The following SOX6 variants were observed in gnomAD, a reference collection of about 807,000 sequenced individuals.
SOX6 encodes transcription factor SOX-6.
SOX6 carries 11 observed loss-of-function variants against 97.8 expected under a neutral mutation model. The observed-to-expected ratio is 0.11, with a 90% confidence interval of 0.07 to 0.19. SOX6 has a LOEUF of 0.19. Ranked by LOEUF, SOX6 falls within the 10% of genes least tolerant of loss-of-function variation. The pLI is 1.00. For synonymous variants in SOX6, 360 were observed against 371.4 expected (o/e 0.97, Z 0.35); for missense variants, 810 against 1,039.5 (o/e 0.78, Z 3.04).
intron 6 of SOX6, among the ~76,000 whole-genome samples, chr11:16,122,569 G>T (rs966288900): frequency 2.6e-5 from 4 of 151,862 alleles, no homozygotes; most frequent in African/African-American, 9.7e-5. Context: ...CACAATGAAG[G>T]CAATCTGGCT....
intron 1 of SOX6, among the ~76,000 whole-genome samples, chr11:16,437,135 C>T (rs1431593619): frequency 6.6e-6 from 1 of 151,544 alleles, no homozygotes; most frequent in Admixed American, 6.6e-5. Context: ...CATGGCATTG[C>T]AAGCTTGTAG....
intron 6 of SOX6, among the ~76,000 whole-genome samples, chr11:16,140,729 T>C (rs1382931593): frequency 6.6e-6 from 1 of 152,172 alleles, no homozygotes; most frequent in Non-Finnish European, 1.5e-5. Flanking sequence ...AACAGAATAA[T>C]TCACATTTGC....
chr11:16,420,383 T>G (rs1858999241), intron 1 of SOX6, among the ~76,000 whole-genome samples: 1 of 152,172 alleles, frequency 6.6e-6, no homozygotes, highest in African/African-American at 2.4e-5. Flanking sequence ...CCGACTACAT[T>G]TTCCAAAGGG....
intron 2 of SOX6, among the ~76,000 whole-genome samples, chr11:16,324,351 A>G (rs1224074225): frequency 6.6e-6 from 1 of 152,190 alleles, no homozygotes; most frequent in Non-Finnish European, 1.5e-5. Context: ...ATTAAAAACA[A>G]ACATACCTAT....
chr11:16,061,576 C>CA (rs1847956855), intron 9 of SOX6, among the ~76,000 whole-genome samples: 1 of 151,262 alleles, frequency 6.6e-6, no homozygotes, highest in Non-Finnish European at 1.5e-5. Flanking sequence ...AAAAGAGCCC[C>CA]AAGAGTCAAG....
intron 2 of SOX6, among the ~76,000 whole-genome samples, chr11:16,722,364 G>A (rs189103473): frequency 2.2e-4 from 34 of 152,170 alleles, no homozygotes; most frequent in Non-Finnish European, 4.3e-4. Context: ...TTAAAAAGTG[G>A]GCAATGGGCC....
rs1853216259 is a variant in SOX6 at position 15,968,875 on chromosome 11, A to C, written c.*3934T>G. The C allele has an allele frequency of 6.6e-6, 1 of 152,190 alleles. No homozygotes were observed. Among genetic ancestry groups the C allele is most frequent in the Non-Finnish European group, 1.5e-5 (1 of 68,034 alleles). 9.4% of individuals were successfully genotyped at this position (152,190 alleles called of 1,614,324 possible). A position where few individuals can be genotyped will look rare whatever the true frequency, so the allele number is the denominator to read the frequency against. ...TGAAGCAAACCGAGGTGCTTCTAAAAGGCTGAGCTGGGTACACATGAAAAC... is the reference window on the plus strand; with the variant it reads ...TGAAGCAAACCGAGGTGCTTCTAAACGGCTGAGCTGGGTACACATGAAAAC... On this transcript the variant is annotated 3_prime_UTR_variant, in exon 16 of 16. Transcript: ENST00000683767.
At position 16,501,462 on chromosome 11, in the gene SOX6, G is replaced by A. The variant is rs539216550; in HGVS notation, n.610-25074C>T. On this transcript the variant is annotated intron_variant and non_coding_transcript_variant, in intron 4 of 5. Transcript: ENST00000524520. ...AACAAAAGCCAAAATTGACAAATGG[G>A]ATCTAATTAAACTAAAGAGCTTCTG... is the stretch of plus-strand genomic sequence containing the variant. Among the ~76,000 whole-genome samples, 17 of 152,210 alleles carry A rather than the reference G, an allele frequency of 1.1e-4. No homozygotes were observed. In the South Asian group the frequency reaches 2.3e-3, roughly 20 times the overall value.
chr11:16,117,693 G>A (rs1336142946), intron 6 of SOX6, among the ~76,000 whole-genome samples: 1 of 152,138 alleles, frequency 6.6e-6, no homozygotes, highest in East Asian at 1.9e-4. Context: ...TAAAGTCACT[G>A]CACTGAGTGC....
intron 4 of SOX6, among the ~76,000 whole-genome samples, chr11:16,506,573 GT>G (rs1484883602): frequency 6.6e-6 from 1 of 152,226 alleles, no homozygotes; most frequent in Admixed American, 6.5e-5. Flanking sequence ...GTTTTAAAAT[GT>G]GAGAAGGACA....
chr11:16,325,759 A>T (rs1292360337), intron 2 of SOX6, among the ~76,000 whole-genome samples: 1 of 152,194 alleles, frequency 6.6e-6, no homozygotes, highest in African/African-American at 2.4e-5. Flanking sequence ...ACGTCCCCCC[A>T]TAATTCATAA....
intron 3 of SOX6, among the ~76,000 whole-genome samples, chr11:16,663,680 C>T (rs959787851): frequency 1.3e-5 from 2 of 152,106 alleles, no homozygotes; most frequent in African/African-American, 4.8e-5. Flanking sequence ...AGCAAGATCA[C>T]AAGATACAAG....
chr11:16,611,347 G>A (rs973327354), intron 4 of SOX6, among the ~76,000 whole-genome samples: 10 of 152,198 alleles, frequency 6.6e-5, no homozygotes, highest in African/African-American at 2.4e-4. Flanking sequence ...AGACCTACAT[G>A]ATTTCATATT....
intron 14 of SOX6, among the ~76,000 whole-genome samples, chr11:15,988,228 A>T (rs922683818): frequency 9.2e-5 from 14 of 152,310 alleles, no homozygotes; most frequent in African/African-American, 3.4e-4. Context: ...GTAATGCTGC[A>T]TGTTGAATAA....
At chr11:16,112,005 GCT>G in intron 6 of SOX6, 82 bp from the exon 7 acceptor site, 1 of 1,566,648 alleles carries the variant, frequency 6.4e-7, no homozygotes, top group Non-Finnish European at 8.7e-7. Context: ...CTGGTGGTGT[GCT>G]GGTACCCACA....
intron 1 of SOX6, among the ~76,000 whole-genome samples, chr11:16,387,595 C>A (rs936561097): frequency 5.9e-5 from 9 of 151,864 alleles, no homozygotes; most frequent in Non-Finnish European, 2.9e-5. Context: ...CAAAAATGGC[C>A]TTTGTTATGA....
Position 16,722,342 on chromosome 11 carries a change from TAAAC to T in SOX6, n.354-7441_354-7438del, listed in dbSNP as rs1414275651. Among the ~76,000 whole-genome samples the T allele has an allele frequency of 1.3e-5, 2 of 151,800 alleles. 1 individual carries two copies. On this transcript the variant is annotated intron_variant and non_coding_transcript_variant, in intron 2 of 5. Coordinates refer to the SOX6 transcript ENST00000524520. ...ACTAAACAAATTTACAAGAGAGAAA[TAAAC>T]AACCCCATTAAAAAGTGGGCAATGG...
At chr11:16,368,381 C>T (rs1302672110) in intron 1 of SOX6, among the ~76,000 whole-genome samples, 1 of 152,126 alleles carries the variant, frequency 6.6e-6, no homozygotes, top group East Asian at 1.9e-4. Flanking sequence ...ACTCAGAAGG[C>T]TGAGGCATGT....
chr11:16,225,685 C>G (rs916825433), intron 4 of SOX6, among the ~76,000 whole-genome samples: 9 of 152,072 alleles, frequency 5.9e-5, no homozygotes, highest in Admixed American at 3.3e-4. Context: ...GATAACAGCA[C>G]TGCTTAAGTT....
Sources: gnomAD v4.1 joint callset for allele counts (sites outside exome capture counted in the v4.1 genomes callset) on GRCh38, gnomAD v4.1.1 for gene constraint, MANE v1.5 for transcripts, NCBI Gene and HGNC (gene_info 2026-07-23, HGNC 2026-07-21) for gene names.